Variants in KCNB2 observed in about 807,000 individuals in gnomAD.
KCNB2 encodes delayed rectifier potassium channel protein.
A neutral mutation model predicts 61.5 loss-of-function variants in KCNB2; 15 were observed. The observed-to-expected ratio is 0.24, with a 90% CI of 0.16 to 0.38. The LOEUF (loss-of-function observed/expected upper bound fraction) is 0.38, where lower values mean the gene tolerates loss of function less well. Ranked by LOEUF, KCNB2 falls within the 10% of genes least tolerant of loss-of-function variation. The pLI is 1.00. For synonymous variants in KCNB2, 457 were observed against 446.0 expected (o/e 1.02, Z -0.31); for missense variants, 828 against 1,125.2 (o/e 0.74, Z 3.78).
chr8:72,904,232 A>G (rs1806134340), intron 2 of KCNB2, among the ~76,000 whole-genome samples: 1 of 152,154 alleles, frequency 6.6e-6, no homozygotes. Flanking sequence ...GCATAGCTAC[A>G]TGATTTTTAA....
At chr8:72,846,792 G>A (rs140472476) in intron 2 of KCNB2, among the ~76,000 whole-genome samples, 22,894 of 151,994 alleles carry the variant, frequency 0.15, 2,355 homozygotes, top group African/African-American at 0.29. Context: ...AAATAGGAAT[G>A]CTTTTACACT....
At chr8:72,686,493 A>C (rs535349499) in intron 2 of KCNB2, among the ~76,000 whole-genome samples, 1 of 152,128 alleles carries the variant, frequency 6.6e-6, no homozygotes, top group Non-Finnish European at 1.5e-5. Context: ...GATTACAGGC[A>C]TGCACCACCA....
intron 2 of KCNB2, among the ~76,000 whole-genome samples, chr8:72,619,546 A>G (rs1319982674): frequency 8.0e-6 from 1 of 124,248 alleles, no homozygotes; most frequent in African/African-American, 3.6e-5. Context: ...TTTTTTTTTT[A>G]ATCACACAGC....
chr8:72,808,980 C>T (rs1563391408), intron 2 of KCNB2, among the ~76,000 whole-genome samples: 2 of 152,134 alleles, frequency 1.3e-5, no homozygotes, highest in East Asian at 3.9e-4. Context: ...GCACCCTAGA[C>T]CATAAGATCC....
chr8:72,919,793 G>T (rs1806472476), intron 2 of KCNB2, among the ~76,000 whole-genome samples: 1 of 152,098 alleles, frequency 6.6e-6, no homozygotes, highest in Admixed American at 6.5e-5. Flanking sequence ...AATATGCTCG[G>T]TGTATTTTTA....
intron 2 of KCNB2, among the ~76,000 whole-genome samples, chr8:72,739,548 G>A (rs920777981): frequency 3.3e-5 from 5 of 151,922 alleles, no homozygotes; most frequent in African/African-American, 4.8e-5. Context: ...AAGCAAAAGC[G>A]AGTGGAAGTG....
intron 2 of KCNB2, among the ~76,000 whole-genome samples, chr8:72,733,103 G>A (rs2053422): frequency 0.47 from 72,007 of 151,966 alleles, 17,771 homozygotes; most frequent in Non-Finnish European, 0.56. Flanking sequence ...AACAGAAGGA[G>A]GGAAGGTCAT....
In KCNB2 at chr8:72,685,643, G is replaced by C. The variant is rs573953226; in HGVS notation, c.579+117330G>C. Among the ~76,000 whole-genome samples the C allele has an allele frequency of 7.9e-5, 12 of 152,268 alleles. No homozygotes were observed. The South Asian group carries it at 2.1e-3, about 26-fold the overall frequency. On this transcript the variant is annotated intron_variant, in intron 2 of 2. Coordinates refer to ENST00000523207, the MANE Select transcript of KCNB2 (RefSeq NM_004770.3). The stretch of plus-strand genomic sequence containing the variant: ...TGTTGAAGCTAAGACCTGAAGATGA[G>C]TGGCAGAGCGGTTGAGTCACGGTCT...
At chr8:72,930,020 A>C (rs534997196) in intron 2 of KCNB2, among the ~76,000 whole-genome samples, 3 of 138,384 alleles carry the variant, frequency 2.2e-5, no homozygotes, top group Non-Finnish European at 4.5e-5. Flanking sequence ...TCATTGTTCA[A>C]TTCCCACCTA....
intron 1 of KCNB2, among the ~76,000 whole-genome samples, chr8:72,555,128 T>C (rs558448628): frequency 6.6e-6 from 1 of 152,048 alleles, no homozygotes; most frequent in Non-Finnish European, 1.5e-5. Context: ...CACCTCCTAG[T>C]TGTGTTGTGA....
intron 2 of KCNB2, among the ~76,000 whole-genome samples, chr8:72,909,406 C>A (rs1221049404): frequency 1.3e-5 from 2 of 152,044 alleles, no homozygotes; most frequent in Admixed American, 6.5e-5. Flanking sequence ...GATTCTGGAG[C>A]ATGGTGTGGA....
intron 2 of KCNB2, among the ~76,000 whole-genome samples, chr8:72,578,378 A>G (rs1293272351): frequency 6.6e-6 from 1 of 152,264 alleles, no homozygotes; most frequent in Non-Finnish European, 1.5e-5. Context: ...ATAGTAGGCC[A>G]GAATCTAGGA....
At chr8:72,836,143 T>A (rs1182327096) in intron 2 of KCNB2, among the ~76,000 whole-genome samples, 1 of 152,210 alleles carries the variant, frequency 6.6e-6, no homozygotes, top group Non-Finnish European at 1.5e-5. Context: ...ATTTGCCAAG[T>A]GCCTATCACA....
chr8:72,844,329 C>G (rs1411606967), intron 2 of KCNB2, among the ~76,000 whole-genome samples: 1 of 152,210 alleles, frequency 6.6e-6, no homozygotes, highest in African/African-American at 2.4e-5. Flanking sequence ...ATGGGTTTCC[C>G]TTTGTGGGTA....
At chr8:72,746,261 C>A (rs867346299) in intron 2 of KCNB2, among the ~76,000 whole-genome samples, 2 of 152,094 alleles carry the variant, frequency 1.3e-5, no homozygotes, top group South Asian at 4.2e-4. Context: ...TCTCCTCTAC[C>A]AAGTGCATGT....
At chr8:72,570,167 A>G (rs561983665) in intron 2 of KCNB2, among the ~76,000 whole-genome samples, 88 of 152,284 alleles carry the variant, frequency 5.8e-4, no homozygotes, top group Non-Finnish European at 1.0e-4. Flanking sequence ...TTACATATGT[A>G]TCCAACATAT....
At chr8:72,863,635 C>T (rs966862934) in intron 2 of KCNB2, among the ~76,000 whole-genome samples, 3 of 152,254 alleles carry the variant, frequency 2.0e-5, no homozygotes, top group African/African-American at 7.2e-5. Flanking sequence ...CATTCCTTTA[C>T]AGGCCTCCAG....
intron 2 of KCNB2, among the ~76,000 whole-genome samples, chr8:72,689,192 A>C (rs1421161930): frequency 6.6e-6 from 1 of 152,218 alleles, no homozygotes; most frequent in Admixed American, 6.5e-5. Context: ...ATCAATAAAT[A>C]TGGATTGACT....
chr8:72,936,028 G>A lies in KCNB2; in HGVS notation c.673G>A (p.Gly225Arg). 9 of 1,614,128 alleles carry A rather than the reference G, an allele frequency of 5.6e-6. No homozygotes were observed. Among genetic ancestry groups the A allele is most frequent in the Non-Finnish European group, 7.6e-6 (9 of 1,180,020 alleles). Residue 225 changes from glycine to arginine, a missense_variant, in exon 3 of 3, where the codon GGA becomes AGA. Gly to Arg is a moderately radical substitution (Grantham distance 125, BLOSUM62 -2). Around this residue, in one of 4 missense-constraint regions of KCNB2, gnomAD observed 163 missense variants for 314.4 expected, o/e 0.52. Transcript: ENST00000523207. The surrounding 1 kb of genome is among the most constrained non-coding windows in gnomAD (Gnocchi z 5.6). ...GGAGCTGCAGGAAACGGACGAATTT[G>A]GACAACTCAATGACAACCGCCAATT... ...LPELQETDEF[G>R]QLNDNRQLAH...
Sources: gnomAD v4.1 joint callset for allele counts (sites outside exome capture counted in the v4.1 genomes callset) on GRCh38, gnomAD v4.1.1 for gene constraint, gnomAD v4.1.1 regional missense constraint, Gnocchi (gnomAD v3.1) non-coding constraint, MANE v1.5 for transcripts, NCBI Gene and HGNC (gene_info 2026-07-23, HGNC 2026-07-21) for gene names.